The following ADGRL3 variants were observed in gnomAD, a reference collection of about 807,000 sequenced individuals.
The protein encoded by ADGRL3 is calcium-independent alpha-latrotoxin receptor 3.
A neutral mutation model predicts 153.5 loss-of-function variants in ADGRL3; 62 were observed. The observed-to-expected ratio is 0.40, with a 90% CI of 0.33 to 0.50. ADGRL3 has a LOEUF of 0.50. Ranked by LOEUF, ADGRL3 falls within the 20% of genes least tolerant of loss-of-function variation. The pLI, the probability that ADGRL3 is intolerant of heterozygous loss-of-function variation, is 0.47. For synonymous variants in ADGRL3, 710 were observed against 672.5 expected (o/e 1.06, Z -0.86); for missense variants, 1,641 against 1,859.4 (o/e 0.88, Z 2.16).
intron 2 of ADGRL3, among the ~76,000 whole-genome samples, chr4:61,406,336 GGGTGTTAAATTTCGT>G (rs2152203662): frequency 6.6e-6 from 1 of 151,984 alleles, no homozygotes; most frequent in South Asian, 2.1e-4. Flanking sequence ...AAAAAAAGTT[GGGTGTTAAATTTCGT>G]AGGTTAAATG....
At chr4:61,958,381 CTTTCTTTCTTT>C (rs2098975626) in intron 17 of ADGRL3, among the ~76,000 whole-genome samples, 2 of 81,540 alleles carry the variant, frequency 2.5e-5, no homozygotes, top group Non-Finnish European at 2.9e-5. Flanking sequence ...GTAAAGGTTT[CTTTCTTTCTTT>C]CTTTCTTTCT....
Position 61,300,813 on chromosome 4 carries a change from TG to T in ADGRL3, c.-239-82309del, listed in dbSNP as rs765033765. On this transcript the variant is annotated intron_variant, in intron 1 of 26. Coordinates refer to ENST00000683033, the MANE Select transcript of ADGRL3 (RefSeq NM_001387552.1). Reference sequence around the variant, plus strand: ...CAGAGTCTCGCTCTGGCACCCAGGCTGGAGTGCAGTGGCGTGATCTCAGCTC... The same window carrying T: ...CAGAGTCTCGCTCTGGCACCCAGGCTGAGTGCAGTGGCGTGATCTCAGCTC... Among the ~76,000 whole-genome samples, 4 of 150,198 alleles carry T rather than the reference TG, an allele frequency of 2.7e-5. No homozygotes were observed. In the Admixed American group the frequency reaches 2.7e-4, roughly 10 times the overall value.
At chr4:61,227,348 G>A (rs1482241399) in intron 1 of ADGRL3, among the ~76,000 whole-genome samples, 1 of 152,030 alleles carries the variant, frequency 6.6e-6, no homozygotes, top group African/African-American at 2.4e-5. Flanking sequence ...TGGGACTGTA[G>A]GTGTGCACCA....
At chr4:61,467,028 T>A (rs2097892936) in intron 2 of ADGRL3, among the ~76,000 whole-genome samples, 1 of 152,174 alleles carries the variant, frequency 6.6e-6, no homozygotes, top group South Asian at 2.1e-4. Context: ...AATTGATTTA[T>A]TCATCAATAT....
intron 2 of ADGRL3, among the ~76,000 whole-genome samples, chr4:61,413,205 G>A (rs1335728222): frequency 6.6e-6 from 1 of 152,134 alleles, no homozygotes; most frequent in Admixed American, 6.6e-5. Flanking sequence ...CTCCTCACTA[G>A]GCCTCTACTG....
At chr4:61,231,425 G>T (rs2149188336) in intron 1 of ADGRL3, among the ~76,000 whole-genome samples, 1 of 152,244 alleles carries the variant, frequency 6.6e-6, no homozygotes, top group East Asian at 1.9e-4. Flanking sequence ...TTAATTTCTA[G>T]GGGTTGTGGG....
intron 17 of ADGRL3, among the ~76,000 whole-genome samples, chr4:61,969,753 G>T (rs1381264198): frequency 6.6e-6 from 1 of 152,128 alleles, no homozygotes; most frequent in African/African-American, 2.4e-5. Context: ...GGATGAACTG[G>T]TGTTAGGATC....
At chr4:61,481,440 C>T (rs1296764683) in intron 2 of ADGRL3, among the ~76,000 whole-genome samples, 6 of 151,954 alleles carry the variant, frequency 3.9e-5, no homozygotes, top group Admixed American at 2.0e-4. Flanking sequence ...ATGTACATGT[C>T]CTTCATGTGG....
chr4:61,711,698 G>A (rs2095995503), intron 6 of ADGRL3, among the ~76,000 whole-genome samples: 2 of 151,476 alleles, frequency 1.3e-5, no homozygotes, highest in South Asian at 4.2e-4. Flanking sequence ...GAAAACAAAA[G>A]TGCACTACAA....
At chr4:61,748,515 T>C (rs2096705285) in intron 8 of ADGRL3, among the ~76,000 whole-genome samples, 1 of 151,966 alleles carries the variant, frequency 6.6e-6, no homozygotes, top group African/African-American at 2.4e-5. Flanking sequence ...AACAGAGATA[T>C]AGATCAATGG....
At chr4:61,823,698 A>AG (rs2097775400) in intron 9 of ADGRL3, among the ~76,000 whole-genome samples, 1 of 152,174 alleles carries the variant, frequency 6.6e-6, no homozygotes, top group Admixed American at 6.5e-5. Flanking sequence ...ATTAAAAAAA[A>AG]TCTGCTATGG....
chr4:61,712,035 T>C (rs1446386931), intron 6 of ADGRL3, among the ~76,000 whole-genome samples: 4 of 152,076 alleles, frequency 2.6e-5, no homozygotes, highest in African/African-American at 9.7e-5. Flanking sequence ...AAATTATATT[T>C]CACCTTTGCA....
At chr4:61,846,400 T>C (rs1310994993) in intron 9 of ADGRL3, among the ~76,000 whole-genome samples, 1 of 151,892 alleles carries the variant, frequency 6.6e-6, no homozygotes, top group African/African-American at 2.4e-5. Context: ...GTGAATAAAA[T>C]AAAAAAATTT....
chr4:61,581,027 G>A (rs2098922628), intron 4 of ADGRL3, among the ~76,000 whole-genome samples: 1 of 152,014 alleles, frequency 6.6e-6, no homozygotes, highest in African/African-American at 2.4e-5. Flanking sequence ...TGTGAAAGTT[G>A]GGTTCTTGTA....
intron 2 of ADGRL3, among the ~76,000 whole-genome samples, chr4:61,434,491 G>T (rs1034539836): frequency 6.6e-6 from 1 of 152,040 alleles, no homozygotes; most frequent in African/African-American, 2.4e-5. Context: ...GTGCATTCAT[G>T]TAGTGCTAAA....
At chr4:61,460,604 A>G (rs1175533941) in intron 2 of ADGRL3, among the ~76,000 whole-genome samples, 1 of 152,172 alleles carries the variant, frequency 6.6e-6, no homozygotes, top group Non-Finnish European at 1.5e-5. Flanking sequence ...CTGCTAATAA[A>G]GACATACCCG....
In ADGRL3 at chr4:61,847,788, TTA is replaced by T. The variant is rs1250447254; in HGVS notation, c.1480+33908_1480+33909del. Among the ~76,000 whole-genome samples, 24 of 29,216 alleles carry T rather than the reference TTA, an allele frequency of 8.2e-4. 2 individuals carry two copies. The highest frequency in any genetic ancestry group is 2.9e-3 in the African/African-American group (23 of 7,930). The allele number at this position is 29,216 out of a possible 152,430, so 19.2% of individuals were successfully genotyped here. On this transcript the variant is annotated intron_variant, in intron 9 of 26. Coordinates refer to ENST00000683033, the MANE Select transcript of ADGRL3 (RefSeq NM_001387552.1). ...AAATATATATATAATACAAAATATA[TTA>T]TATATATAATATAAAATATATTATA...
chr4:61,373,480 GA>G (rs1278041820), intron 1 of ADGRL3, among the ~76,000 whole-genome samples: 1 of 152,050 alleles, frequency 6.6e-6, no homozygotes, highest in Non-Finnish European at 1.5e-5. Flanking sequence ...GGGGAAAGTA[GA>G]AAAAATGTTA....
chr4:61,665,654 T>C (rs1179072411), intron 5 of ADGRL3, among the ~76,000 whole-genome samples: 1 of 152,202 alleles, frequency 6.6e-6, no homozygotes, highest in Non-Finnish European at 1.5e-5. Context: ...AAAATGATAT[T>C]ATTCTTATTT....
Sources: allele counts gnomAD v4.1 joint callset (sites outside exome capture counted in the v4.1 genomes callset), GRCh38; gene constraint gnomAD v4.1.1; transcripts MANE v1.5; gene names NCBI Gene and HGNC (gene_info 2026-07-23, HGNC 2026-07-21).